TRMT11: variants seen among roughly 807,000 people sequenced by gnomAD.
TRMT11 encodes tRNA (guanine(10)-N(2))-methyltransferase TRMT11.
Under a neutral mutation model 62.8 loss-of-function variants are expected in TRMT11, and 53 were observed. The observed-to-expected ratio is 0.84, with a 90% CI of 0.68 to 1.06. The LOEUF is 1.06. TRMT11 is among the 50% of genes least tolerant of loss of function. The pLI is 0.00. For synonymous variants in TRMT11, 188 were observed against 190.3 expected (o/e 0.99, Z 0.10); for missense variants, 556 against 553.4 (o/e 1.00, Z -0.05).
the TRMT11 span, among the ~76,000 whole-genome samples, chr6:126,247,812 A>G: frequency 4.2e-4 from 64 of 152,034 alleles, no homozygotes; most frequent in Non-Finnish European, 7.9e-4. Context: ...GAAAGAGAGA[A>G]GAAAACAAAA....
chr6:126,243,803 G>C, the TRMT11 span, among the ~76,000 whole-genome samples: 5 of 152,284 alleles, frequency 3.3e-5, no homozygotes, highest in South Asian at 1.0e-3. Flanking sequence ...GAGGTGGGGA[G>C]GGATAGCATT....
the TRMT11 span, among the ~76,000 whole-genome samples, chr6:126,269,052 G>C: frequency 6.6e-6 from 1 of 151,504 alleles, no homozygotes; most frequent in African/African-American, 2.4e-5. Flanking sequence ...ACGAGGTCAG[G>C]AGATCGAGAC....
In TRMT11 at chr6:126,069,926, CCTTACTT is replaced by C. The variant is rs539624250; in HGVS notation, c.*1437+16737_*1437+16743del. 1.5e-4 allele frequency among the ~76,000 whole-genome samples: 23 copies of C among 151,674 alleles called. No homozygotes were observed. In the East Asian group the frequency reaches 4.3e-3, roughly 28 times the overall value. ...CAGCAGAAATGTCCTTTAAAATCAC[CCTTACTT>C]TTGAAGAGTCACATAGAAGAGTTAA... On this transcript the variant is annotated intron_variant and NMD_transcript_variant, in intron 17 of 22. Transcript: ENST00000648977.
At chr6:126,042,333 A>C (rs909757387), downstream of TRMT11, among the ~76,000 whole-genome samples, 4 of 152,146 alleles carry the variant, frequency 2.6e-5, no homozygotes, top group African/African-American at 9.7e-5. Context: ...TTTAGACATA[A>C]CTGAGGCCAA....
intron 17 of TRMT11, among the ~76,000 whole-genome samples, chr6:126,075,926 A>G (rs1777009038): frequency 6.6e-6 from 1 of 152,178 alleles, no homozygotes; most frequent in Non-Finnish European, 1.5e-5. Flanking sequence ...ACTGTGGTTC[A>G]GCATATTTGG....
At chr6:126,044,341 G>A (rs1405011323) in intron 16 of TRMT11, among the ~76,000 whole-genome samples, 1 of 152,130 alleles carries the variant, frequency 6.6e-6, no homozygotes, top group Non-Finnish European at 1.5e-5. Context: ...TTTTTCTCAG[G>A]TTTGTCAAAG....
intron 21 of TRMT11, among the ~76,000 whole-genome samples, chr6:126,143,894 A>G (rs1777946311): frequency 6.6e-6 from 1 of 152,156 alleles, no homozygotes; most frequent in Admixed American, 6.6e-5. Context: ...ACTCACTGTG[A>G]TCTGAATTGG....
At chr6:126,081,818 A>G (rs867218787) in intron 17 of TRMT11, among the ~76,000 whole-genome samples, 1 of 152,132 alleles carries the variant, frequency 6.6e-6, no homozygotes, top group African/African-American at 2.4e-5. Flanking sequence ...CTTATGTTCC[A>G]GCAGATCCAG....
intron 21 of TRMT11, among the ~76,000 whole-genome samples, chr6:126,127,764 C>T (rs113981465): frequency 6.6e-5 from 10 of 150,528 alleles, no homozygotes; most frequent in Middle Eastern, 3.4e-3. Context: ...GTTTGCTGAA[C>T]GCGCCCGATC....
At chr6:126,121,491 C>T (rs911145918) in intron 21 of TRMT11, among the ~76,000 whole-genome samples, 1 of 152,104 alleles carries the variant, frequency 6.6e-6, no homozygotes, top group Non-Finnish European at 1.5e-5. Flanking sequence ...ACAACCTGTG[C>T]TTTCGTGTTA....
the TRMT11 span, among the ~76,000 whole-genome samples, chr6:126,228,882 A>C: frequency 6.6e-6 from 1 of 152,142 alleles, no homozygotes; most frequent in Non-Finnish European, 1.5e-5. Flanking sequence ...AACACTTGAA[A>C]ATCTTGGTTT....
intron 1 of TRMT11, among the ~76,000 whole-genome samples, chr6:126,179,165 T>C (rs1209574704): frequency 6.6e-6 from 1 of 152,130 alleles, no homozygotes; most frequent in Non-Finnish European, 1.5e-5. Context: ...CAGAAGAAAT[T>C]GTGTCACTTC....
chr6:126,151,805 C>CTTTTCTTTCTTTCT (rs1562334655), intron 21 of TRMT11, among the ~76,000 whole-genome samples: 1 of 54,574 alleles, frequency 1.8e-5, no homozygotes, highest in Non-Finnish European at 3.6e-5. Context: ...TCCTCTCTGT[C>CTTTTCTTTCTTTCT]TTTTCTTTCT....
chr6:126,020,947 T>A (rs1795722994), intron 11 of TRMT11, among the ~76,000 whole-genome samples: 1 of 152,250 alleles, frequency 6.6e-6, no homozygotes, highest in African/African-American at 2.4e-5. Flanking sequence ...CTCTCTCTTA[T>A]TCTACAGGTA....
chr6:126,090,118 C>T (rs1777257785), intron 17 of TRMT11, among the ~76,000 whole-genome samples: 6 of 152,200 alleles, frequency 3.9e-5, no homozygotes, highest in Admixed American at 3.9e-4. Context: ...ATTCTTTTCA[C>T]CCCTGCCCTG....
chr6:126,241,055 G>A, the TRMT11 span, among the ~76,000 whole-genome samples: 1 of 152,342 alleles, frequency 6.6e-6, no homozygotes, highest in Admixed American at 6.5e-5. Flanking sequence ...AAGACAATTG[G>A]AAAAGCGCAG....
intron 21 of TRMT11, among the ~76,000 whole-genome samples, chr6:126,125,553 T>G (rs9372833): frequency 0.27 from 41,730 of 151,944 alleles, 6,149 homozygotes; most frequent in Middle Eastern, 0.43. Context: ...TTTATCAAGG[T>G]TCTATTATGG....
At chr6:126,125,108 T>C (rs1456427231) in intron 21 of TRMT11, among the ~76,000 whole-genome samples, 2 of 152,060 alleles carry the variant, frequency 1.3e-5, no homozygotes, top group African/African-American at 4.8e-5. Flanking sequence ...AGTGGGGTCA[T>C]TTCTTTTTGA....
chr6:126,249,091 A>G, the TRMT11 span, among the ~76,000 whole-genome samples: 2 of 152,162 alleles, frequency 1.3e-5, no homozygotes, highest in African/African-American at 4.8e-5. Flanking sequence ...CAATTTTAAG[A>G]TAAGTACCAA....
Sources: gnomAD v4.1 joint callset for allele counts (sites outside exome capture counted in the v4.1 genomes callset) on GRCh38, gnomAD v4.1.1 for gene constraint, MANE v1.5 for transcripts, NCBI Gene and HGNC (gene_info 2026-07-23, HGNC 2026-07-21) for gene names.